Variants in PEX7 observed in about 807,000 individuals in gnomAD.
The protein encoded by PEX7 is peroxisomal biogenesis factor 7.
A neutral mutation model predicts 47.5 loss-of-function variants in PEX7; 34 were observed. The observed-to-expected ratio is 0.72, with a 90% CI of 0.54 to 0.95. PEX7 has a LOEUF of 0.95. PEX7 is among the 40% of genes least tolerant of loss of function. PEX7 has a pLI of 0.00. For missense variants in PEX7, 394 were observed against 400.3 expected (o/e 0.98, Z 0.13); for synonymous variants, 141 against 148.8 (o/e 0.95, Z 0.38).
intron 8 of PEX7, among the ~76,000 whole-genome samples, chr6:136,891,665 T>G (rs77343889): frequency 6.6e-6 from 1 of 151,872 alleles, no homozygotes; most frequent in East Asian, 1.9e-4. Flanking sequence ...TTTTTTTTTT[T>G]TGAGACAGAG....
At chr6:136,822,895 T>C in intron 1 of PEX7, 100 bp downstream of exon 1, 1 of 1,217,278 alleles carries the variant, frequency 8.2e-7, no homozygotes, top group Non-Finnish European at 1.0e-6. Context: ...CCTCTGAGCG[T>C]AGACGGTTCC....
At chr6:136,854,296 A>C (rs1288068893) in intron 5 of PEX7, among the ~76,000 whole-genome samples, 2 of 152,106 alleles carry the variant, frequency 1.3e-5, no homozygotes, top group African/African-American at 4.8e-5. Flanking sequence ...TCCCGGGTTC[A>C]AGCAATTCTC....
intron 5 of PEX7, among the ~76,000 whole-genome samples, chr6:136,862,680 G>A (rs1454674275): frequency 6.6e-6 from 1 of 152,076 alleles, no homozygotes; most frequent in African/African-American, 2.4e-5. Context: ...CCAGCCTCCT[G>A]AATTTTATAA....
chr6:136,876,420 A>G (rs546031914), intron 8 of PEX7, among the ~76,000 whole-genome samples: 1 of 152,238 alleles, frequency 6.6e-6, no homozygotes, highest in South Asian at 2.1e-4. Context: ...TATACGTGCT[A>G]TGGTGGTTTG....
chr6:136,882,175 C>CTTTTTT (rs35653586), intron 8 of PEX7, among the ~76,000 whole-genome samples: 270 of 104,278 alleles, frequency 2.6e-3, no homozygotes, highest in East Asian at 4.9e-3. Flanking sequence ...TCTTCTTCTT[C>CTTTTTT]TTTTTTTTTT....
At chr6:136,859,998 G>T (rs1422869866) in intron 5 of PEX7, among the ~76,000 whole-genome samples, 1 of 150,432 alleles carries the variant, frequency 6.6e-6, no homozygotes, top group African/African-American at 2.4e-5. Flanking sequence ...GGGTGACAGA[G>T]TTAGACTCTG....
chr6:136,832,584 G>A (rs1487146635), intron 3 of PEX7, among the ~76,000 whole-genome samples: 1 of 152,118 alleles, frequency 6.6e-6, no homozygotes, highest in East Asian at 1.9e-4. Flanking sequence ...GAACTTTTAT[G>A]CTGTGCTTCC....
At chr6:136,865,177 A>G (rs555477223) in intron 5 of PEX7, among the ~76,000 whole-genome samples, 14 of 152,222 alleles carry the variant, frequency 9.2e-5, no homozygotes, top group Non-Finnish European at 1.6e-4. Context: ...TTGGCCAGGC[A>G]TGGTGGCTCA....
chr6:136,883,921 A>G (rs984703690), intron 8 of PEX7, among the ~76,000 whole-genome samples: 4 of 152,210 alleles, frequency 2.6e-5, no homozygotes, highest in Admixed American at 2.0e-4. Flanking sequence ...TAGAAGCAAC[A>G]TCATTTTTTT....
intron 9 of PEX7, among the ~76,000 whole-genome samples, chr6:136,899,505 A>C (rs1775715703): frequency 6.6e-6 from 1 of 152,134 alleles, no homozygotes. Flanking sequence ...TGGCCTCCCA[A>C]AGTGCTGGGA....
At position 136,872,676 on chromosome 6, in the gene PEX7, A is replaced by G. The variant is rs544002970; in HGVS notation, c.803+423A>G. 4.6e-5 allele frequency among the ~76,000 whole-genome samples: 7 copies of G among 152,300 alleles called. No homozygotes were observed. In the South Asian group the frequency reaches 1.4e-3, roughly 32 times the overall value. ...AGTGTATGATTTTTTGTGAATGTAG[A>G]TATATGAACATGTATGTGTATATAT... On this transcript the variant is annotated intron_variant, in intron 8 of 9. Coordinates refer to ENST00000318471, the MANE Select transcript of PEX7 (RefSeq NM_000288.4).
At chr6:136,911,415 C>CA (rs964305903) in intron 9 of PEX7, among the ~76,000 whole-genome samples, 1 of 150,760 alleles carries the variant, frequency 6.6e-6, no homozygotes, top group Non-Finnish European at 1.5e-5. Flanking sequence ...GGTTGTTTTC[C>CA]TTTTTTTTTA....
At chr6:136,875,469 T>A (rs995709079) in intron 8 of PEX7, among the ~76,000 whole-genome samples, 4 of 152,222 alleles carry the variant, frequency 2.6e-5, no homozygotes, top group Non-Finnish European at 5.9e-5. Context: ...CTTAAAAAAA[T>A]TTGTTAATAA....
chr6:136,898,685 GCTT>G (rs1287595604), intron 9 of PEX7, among the ~76,000 whole-genome samples: 1 of 152,202 alleles, frequency 6.6e-6, no homozygotes, highest in Non-Finnish European at 1.5e-5. Context: ...CGAATGGGAG[GCTT>G]CTGATGGAGA....
chr6:136,899,778 G>A (rs892236040), intron 9 of PEX7, among the ~76,000 whole-genome samples: 1 of 152,190 alleles, frequency 6.6e-6, no homozygotes, highest in African/African-American at 2.4e-5. Flanking sequence ...CATTTAAAAT[G>A]ACTTAATAGG....
chr6:136,855,324 T>C (rs1774839666), intron 5 of PEX7, among the ~76,000 whole-genome samples: 1 of 151,506 alleles, frequency 6.6e-6, no homozygotes, highest in South Asian at 2.1e-4. Context: ...TTTAAAGTTC[T>C]TTTCTTTTTC....
At chr6:136,903,336 CTTTTTTTTT>C (rs552573661) in intron 9 of PEX7, among the ~76,000 whole-genome samples, 1 of 126,318 alleles carries the variant, frequency 7.9e-6, no homozygotes, top group African/African-American at 2.9e-5. Context: ...CTTTCTTTCT[CTTTTTTTTT>C]TTTTTTTTTT....
intron 7 of PEX7, 62 bp downstream of exon 7, chr6:136,870,065 G>T: frequency 9.4e-7 from 1 of 1,062,144 alleles, no homozygotes; most frequent in Non-Finnish European, 1.4e-6. Context: ...TCAATGAAGT[G>T]TATATTAAAA....
chr6:136,841,631 G>A (rs1774499760), intron 3 of PEX7, among the ~76,000 whole-genome samples: 1 of 152,182 alleles, frequency 6.6e-6, no homozygotes, highest in African/African-American at 2.4e-5. Context: ...AGGCTGGAAT[G>A]CAGTGGCGTG....
Sources: allele counts gnomAD v4.1 joint callset (sites outside exome capture counted in the v4.1 genomes callset), GRCh38; gene constraint gnomAD v4.1.1; transcripts MANE v1.5; gene names NCBI Gene and HGNC (gene_info 2026-07-23, HGNC 2026-07-21).